Variants in ADIPOR2 observed in about 807,000 individuals in gnomAD.
ADIPOR2 encodes the protein adiponectin receptor 2, also known as adiponectin receptor protein 2.
Under a neutral mutation model 40.9 loss-of-function variants are expected in ADIPOR2, and 18 were observed. The observed-to-expected ratio is 0.44, with a 90% CI of 0.30 to 0.65. The LOEUF is 0.65. Among genes scored for constraint, ADIPOR2 ranks in the 30% least tolerant of loss-of-function variants. The pLI, the probability that ADIPOR2 is intolerant of heterozygous loss-of-function variation, is 0.09. For synonymous variants in ADIPOR2, 165 were observed against 166.4 expected, an observed-to-expected ratio of 0.99 and a Z score of 0.06; for missense variants, 283 against 479.2, an observed-to-expected ratio of 0.59 and a Z score of 3.82.
chr12:1,701,046 C>T (rs778523618), intron 1 of ADIPOR2, among the ~76,000 whole-genome samples: 7 of 151,236 alleles, frequency 4.6e-5, no homozygotes, highest in Non-Finnish European at 1.0e-4. Context: ...GAAAAAAAAT[C>T]ATGTACAGTT....
At chr12:1,741,953 A>G (rs1046031293) in intron 1 of ADIPOR2, among the ~76,000 whole-genome samples, 1 of 152,040 alleles carries the variant, frequency 6.6e-6, no homozygotes, top group Non-Finnish European at 1.5e-5. Context: ...TTTGAACTAT[A>G]TCTCTTTCAA....
In ADIPOR2 at chr12:1,780,647, T is replaced by G. The variant is rs749305937; in HGVS notation, c.650+10T>G. The G allele has an allele frequency of 1.5e-5, 24 of 1,566,814 alleles. No homozygotes were observed. The highest frequency in any genetic ancestry group is 2.0e-5 in the Non-Finnish European group (23 of 1,162,206). ...CTCGGCTCTTCTCTAAGTAAGTATC[T>G]GTAAAGTCCGTATTTTGGCCAATGA... On this transcript the variant is annotated intron_variant, in intron 5 of 7. Transcript: ENST00000357103.
intron 1 of ADIPOR2, among the ~76,000 whole-genome samples, chr12:1,722,884 AC>A (rs2094700555): frequency 6.6e-6 from 1 of 152,202 alleles, no homozygotes; most frequent in Admixed American, 6.5e-5. Context: ...ACTCACTTTG[AC>A]TGTAGATGCA....
intron 1 of ADIPOR2, among the ~76,000 whole-genome samples, chr12:1,714,530 T>G (rs2154441862): frequency 6.6e-6 from 1 of 152,242 alleles, no homozygotes; most frequent in African/African-American, 2.4e-5. Flanking sequence ...TAGGATTTTC[T>G]TCCTTTCCCT....
At chr12:1,724,139 G>A (rs377483959) in intron 1 of ADIPOR2, among the ~76,000 whole-genome samples, 118 of 152,018 alleles carry the variant, frequency 7.8e-4, no homozygotes, top group Non-Finnish European at 9.9e-4. Context: ...CCGCCACGAC[G>A]CCCAGCTAAT....
intron 4 of ADIPOR2, chr12:1,780,190 C>A: frequency 3.1e-6 from 1 of 321,612 alleles, no homozygotes; most frequent in Non-Finnish European, 5.6e-6. Flanking sequence ...GCAGCAGTGT[C>A]TGATTTCTTT....
intron 1 of ADIPOR2, among the ~76,000 whole-genome samples, chr12:1,704,055 A>ATTTT (rs57190793): frequency 0.017 from 1,119 of 67,458 alleles, 17 homozygotes; most frequent in Non-Finnish European, 0.023. Flanking sequence ...TCTACCTGGA[A>ATTTT]TTTTTTTTTT....
Position 1,786,081 on chromosome 12 carries a change from A to G in ADIPOR2, c.*9A>G, listed in dbSNP as rs761314663. ...AAGAGGATGCACTGTGATACCTACC[A>G]GTCTCCAGGGACTATGACCCTAAAC... is the stretch of plus-strand genomic sequence containing the variant. On this transcript the variant is annotated 3_prime_UTR_variant, in exon 8 of 8. Coordinates refer to ENST00000357103, the MANE Select transcript of ADIPOR2 (RefSeq NM_024551.3). 5.0e-6 allele frequency: 8 copies of G among 1,613,068 alleles called. 1 individual carries two copies. Among genetic ancestry groups the G allele is most frequent in the Non-Finnish European group, 6.8e-6 (8 of 1,179,842 alleles).
intron 5 of ADIPOR2, 119 bp from the exon 6 acceptor site, chr12:1,780,770 A>C: frequency 7.3e-7 from 1 of 1,360,936 alleles, no homozygotes; most frequent in Non-Finnish European, 9.9e-7. Context: ...ATTAAAGAGC[A>C]ACCCAGTTTG....
chr12:1,740,115 A>C (rs1221356744), intron 1 of ADIPOR2, among the ~76,000 whole-genome samples: 1 of 152,018 alleles, frequency 6.6e-6, no homozygotes, highest in African/African-American at 2.4e-5. Flanking sequence ...AAAAAAAAAG[A>C]AGTTAAATTT....
intron 1 of ADIPOR2, among the ~76,000 whole-genome samples, chr12:1,716,162 A>G (rs946185257): frequency 6.6e-6 from 1 of 152,190 alleles, no homozygotes; most frequent in African/African-American, 2.4e-5. Flanking sequence ...AAAGATGAGG[A>G]AAATTGTTCT....
chr12:1,733,024 A>G (rs548308550), intron 1 of ADIPOR2, among the ~76,000 whole-genome samples: 4 of 152,322 alleles, frequency 2.6e-5, no homozygotes, highest in South Asian at 2.1e-4. Context: ...AAGTTTCACA[A>G]TGGGAAACCT....
intron 1 of ADIPOR2, among the ~76,000 whole-genome samples, chr12:1,730,000 A>G (rs971048405): frequency 6.6e-6 from 1 of 152,126 alleles, no homozygotes; most frequent in Non-Finnish European, 1.5e-5. Flanking sequence ...CCGGAAGGGA[A>G]CACACAACAA....
At chr12:1,702,536 A>G (rs1371468816) in intron 1 of ADIPOR2, among the ~76,000 whole-genome samples, 2 of 152,022 alleles carry the variant, frequency 1.3e-5, no homozygotes, top group Admixed American at 6.6e-5. Flanking sequence ...TTTATTTTTG[A>G]TTATGGGGTT....
chr12:1,763,042 A>G (rs1456443537), intron 2 of ADIPOR2, among the ~76,000 whole-genome samples: 2 of 152,258 alleles, frequency 1.3e-5, no homozygotes, highest in Non-Finnish European at 2.9e-5. Context: ...GTAACATTAA[A>G]TAAAATACCT....
At chr12:1,702,136 A>C (rs559446785) in intron 1 of ADIPOR2, among the ~76,000 whole-genome samples, 2 of 131,090 alleles carry the variant, frequency 1.5e-5, no homozygotes, top group African/African-American at 5.3e-5. Flanking sequence ...ACAAATGAAC[A>C]AACAGAAAAA....
Position 1,754,283 on chromosome 12 carries a change from A to T in ADIPOR2, c.-61A>T, listed in dbSNP as rs79694491. On this transcript the variant is annotated 5_prime_UTR_variant, in exon 2 of 8. Coordinates refer to ENST00000357103, the MANE Select transcript of ADIPOR2 (RefSeq NM_024551.3). ...GATCAACTCACTATCCTGAAGGTCC[A>T]TTCTCCCAAGAAGAGGGGACAGAAA... The T allele has an allele frequency of 6.4e-3, 9,197 of 1,443,650 alleles. 167 individuals are homozygous for T. Among genetic ancestry groups the T allele is most frequent in the Admixed American group, 0.038 (1,558 of 40,614 alleles). The allele number at this position is 1,443,650 out of a possible 1,614,324, so 89.4% of individuals were successfully genotyped here.
Position 1,754,699 on chromosome 12 carries a change from T to TAC in ADIPOR2, c.171+185_171+186insAC, listed in dbSNP as rs1862079322. On this transcript the variant is annotated intron_variant, in intron 2 of 7. Coordinates refer to ENST00000357103, the MANE Select transcript of ADIPOR2 (RefSeq NM_024551.3). ...AAGTCTCTTATCTTTATTATTATTA[T>TAC]TACTACTACTACTACTACTACTACT... is the stretch of plus-strand genomic sequence containing the variant. Among the ~76,000 whole-genome samples, 528 of 103,572 alleles carry TAC rather than the reference T, an allele frequency of 5.1e-3. 1 individual carries two copies. Among genetic ancestry groups the TAC allele is most frequent in the South Asian group, 7.2e-3 (23 of 3,184 alleles). The allele number at this position is 103,572 out of a possible 152,430, so 67.9% of individuals were successfully genotyped here. A position where few individuals can be genotyped will look rare whatever the true frequency, so the allele number is the denominator to read the frequency against.
intron 1 of ADIPOR2, among the ~76,000 whole-genome samples, chr12:1,721,755 C>T (rs951500913): frequency 1.3e-5 from 2 of 152,102 alleles, no homozygotes; most frequent in Non-Finnish European, 2.9e-5. Flanking sequence ...AGTAGGTAAC[C>T]TTTGAGATCT....
Sources: gnomAD v4.1 joint callset for allele counts (sites outside exome capture counted in the v4.1 genomes callset) on GRCh38, gnomAD v4.1.1 for gene constraint, MANE v1.5 for transcripts, NCBI Gene and HGNC (gene_info 2026-07-23, HGNC 2026-07-21) for gene names.